The following CSMD3 variants were observed in gnomAD, a reference collection of about 807,000 sequenced individuals.
CSMD3 encodes CUB and Sushi multiple domains 3.
Under a neutral mutation model 435.2 loss-of-function variants are expected in CSMD3, and 177 were observed. The observed-to-expected ratio is 0.41, with a 90% CI of 0.36 to 0.46. CSMD3 has a LOEUF of 0.46. Among genes scored for constraint, CSMD3 ranks in the 20% least tolerant of loss-of-function variants. The pLI is 0.34. For synonymous variants in CSMD3, 1,656 were observed against 1,520.5 expected (o/e 1.09, Z -2.07); for missense variants, 4,265 against 4,504.6 (o/e 0.95, Z 1.52).
At chr8:112,787,919 G>A (rs1402423017) in intron 13 of CSMD3, among the ~76,000 whole-genome samples, 2 of 152,006 alleles carry the variant, frequency 1.3e-5, no homozygotes, top group Non-Finnish European at 2.9e-5. Flanking sequence ...ATAATTTAAT[G>A]TACATTTTAA....
At chr8:112,802,232 G>A (rs1288527185) in intron 12 of CSMD3, among the ~76,000 whole-genome samples, 1 of 151,728 alleles carries the variant, frequency 6.6e-6, no homozygotes, top group African/African-American at 2.4e-5. Flanking sequence ...TATTTTAGAT[G>A]TATCAAAATA....
At chr8:113,302,257 TAA>T (rs1469208044) in intron 2 of CSMD3, among the ~76,000 whole-genome samples, 3 of 131,548 alleles carry the variant, frequency 2.3e-5, no homozygotes, top group Admixed American at 9.1e-5. Flanking sequence ...ATATATTATA[TAA>T]AATATATATA....
intron 42 of CSMD3, among the ~76,000 whole-genome samples, chr8:112,341,107 C>G (rs1458124604): frequency 6.6e-6 from 1 of 152,074 alleles, no homozygotes; most frequent in African/African-American, 2.4e-5. Flanking sequence ...CATAATACAA[C>G]ACATGAATAA....
At chr8:113,399,259 T>C (rs1439456129) in intron 1 of CSMD3, among the ~76,000 whole-genome samples, 1 of 151,228 alleles carries the variant, frequency 6.6e-6, no homozygotes, top group Non-Finnish European at 1.5e-5. Context: ...TAAAGCCAGT[T>C]TGACAATTCC....
At chr8:112,691,244 T>TA (rs1292714485) in intron 13 of CSMD3, among the ~76,000 whole-genome samples, 13 of 152,190 alleles carry the variant, frequency 8.5e-5, no homozygotes, top group Admixed American at 7.2e-4. Context: ...AACGTTTCTT[T>TA]AAAAAACTGG....
At chr8:113,402,012 A>G (rs749074198) in intron 1 of CSMD3, among the ~76,000 whole-genome samples, 84 of 151,630 alleles carry the variant, frequency 5.5e-4, no homozygotes, top group South Asian at 8.3e-4. Context: ...ATGTGTCCCC[A>G]TCTTTAAATG....
chr8:113,119,440 C>A (rs2090924467), intron 4 of CSMD3, among the ~76,000 whole-genome samples: 1 of 151,886 alleles, frequency 6.6e-6, no homozygotes, highest in Non-Finnish European at 1.5e-5. Context: ...GTGGTGGAGA[C>A]AAGTTTCAAA....
At chr8:113,074,579 A>G (rs1257918394) in intron 5 of CSMD3, among the ~76,000 whole-genome samples, 1 of 151,906 alleles carries the variant, frequency 6.6e-6, no homozygotes, top group Admixed American at 6.6e-5. Context: ...GTATCATATA[A>G]TCTTACTTGC....
chr8:112,460,169 C>T (rs1214524836), intron 32 of CSMD3, among the ~76,000 whole-genome samples: 1 of 152,018 alleles, frequency 6.6e-6, no homozygotes, highest in Non-Finnish European at 1.5e-5. Context: ...TCCTAGAGGG[C>T]AGGAACCATT....
intron 1 of CSMD3, among the ~76,000 whole-genome samples, chr8:113,417,983 T>A (rs1009414974): frequency 2.6e-5 from 4 of 152,116 alleles, no homozygotes; most frequent in Non-Finnish European, 5.9e-5. Flanking sequence ...GTTTTAAATG[T>A]GAGAAAATAT....
intron 57 of CSMD3, among the ~76,000 whole-genome samples, chr8:112,289,027 C>T (rs1438353524): frequency 6.6e-6 from 1 of 152,048 alleles, no homozygotes; most frequent in East Asian, 1.9e-4. Flanking sequence ...GTGGTATCTG[C>T]TAAAATGGGA....
chr8:113,240,734 C>A (rs893127212), intron 3 of CSMD3, among the ~76,000 whole-genome samples: 19 of 152,116 alleles, frequency 1.2e-4, no homozygotes, highest in Admixed American at 8.5e-4. Flanking sequence ...GCAACATGAA[C>A]AGGTAATCTG....
At chr8:112,563,344 A>G (rs769265544) in intron 24 of CSMD3, among the ~76,000 whole-genome samples, 35 of 151,820 alleles carry the variant, frequency 2.3e-4, no homozygotes, top group Non-Finnish European at 4.7e-4. Context: ...TAAGCAAAAA[A>G]AGCTTGTGGA....
At chr8:112,864,792 C>T (rs1451106605) in intron 10 of CSMD3, among the ~76,000 whole-genome samples, 1 of 152,094 alleles carries the variant, frequency 6.6e-6, no homozygotes, top group African/African-American at 2.4e-5. Context: ...TGCTAACATC[C>T]TGATTTGAGC....
intron 6 of CSMD3, among the ~76,000 whole-genome samples, chr8:113,013,721 A>C (rs577300033): frequency 6.6e-6 from 1 of 152,034 alleles, no homozygotes; most frequent in Non-Finnish European, 1.5e-5. Flanking sequence ...TCTGCTCTTT[A>C]ACCACTGGGC....
chr8:112,812,016 C>G (rs1449704362), intron 12 of CSMD3, among the ~76,000 whole-genome samples: 1 of 152,066 alleles, frequency 6.6e-6, no homozygotes, highest in Non-Finnish European at 1.5e-5. Context: ...AGCTGTGTTA[C>G]AGTAAGTAGT....
chr8:113,287,009 C>A (rs537842336), intron 2 of CSMD3, among the ~76,000 whole-genome samples: 39 of 151,948 alleles, frequency 2.6e-4, no homozygotes, highest in Admixed American at 3.9e-4. Flanking sequence ...GGTACTATTA[C>A]AAACTCTCAG....
At chr8:113,319,293 A>G (rs1345367616) in intron 1 of CSMD3, among the ~76,000 whole-genome samples, 2 of 151,996 alleles carry the variant, frequency 1.3e-5, no homozygotes, top group African/African-American at 4.8e-5. Context: ...TTAAATTTGC[A>G]TTTCTTTAAA....
chr8:112,476,325 C>T (rs541666832), intron 31 of CSMD3, among the ~76,000 whole-genome samples: 346 of 152,204 alleles, frequency 2.3e-3, no homozygotes, highest in African/African-American at 7.8e-3. Context: ...GGATTATAGG[C>T]GGGAGCCACC....
Sources: allele counts gnomAD v4.1 joint callset (sites outside exome capture counted in the v4.1 genomes callset), GRCh38; gene constraint gnomAD v4.1.1; transcripts MANE v1.5; gene names NCBI Gene and HGNC (gene_info 2026-07-23, HGNC 2026-07-21).